Variants in CFAP61 observed in about 807,000 individuals in gnomAD.
CFAP61 encodes cilia and flagella associated protein 61.
CFAP61 carries 107 observed loss-of-function variants against 135.6 expected under a neutral mutation model. The observed-to-expected ratio is 0.79, with a 90% CI of 0.67 to 0.93. The LOEUF is 0.93. Among genes scored for constraint, CFAP61 ranks in the 40% least tolerant of loss-of-function variants. The probability of loss-of-function intolerance (pLI) is 0.00; values close to 1 mark genes in which losing one functional copy is unlikely to be tolerated. For missense variants in CFAP61, 1,507 were observed against 1,556.2 expected (o/e 0.97, Z 0.53); for synonymous variants, 575 against 578.5 (o/e 0.99, Z 0.09).
At chr20:20,302,306 C>A (rs991686594) in intron 25 of CFAP61, among the ~76,000 whole-genome samples, 8 of 152,100 alleles carry the variant, frequency 5.3e-5, no homozygotes, top group Admixed American at 5.2e-4. Context: ...TTTGTTTCTT[C>A]TTTTCCAACT....
At chr20:20,174,103 C>A (rs376050224) in intron 13 of CFAP61, among the ~76,000 whole-genome samples, 1 of 152,146 alleles carries the variant, frequency 6.6e-6, no homozygotes, top group South Asian at 2.1e-4. Flanking sequence ...GAATCACTTG[C>A]ATTTAAAATT....
intron 6 of CFAP61, among the ~76,000 whole-genome samples, chr20:20,079,333 T>G (rs973928405): frequency 6.6e-6 from 1 of 152,208 alleles, no homozygotes; most frequent in Non-Finnish European, 1.5e-5. Flanking sequence ...GGTGTGGTCT[T>G]GTCACTCCTT....
intron 8 of CFAP61, among the ~76,000 whole-genome samples, chr20:20,108,033 T>C (rs1397789730): frequency 6.6e-6 from 1 of 152,216 alleles, no homozygotes; most frequent in African/African-American, 2.4e-5. Context: ...ATAATAAATG[T>C]GGGAAAATAT....
chr20:20,211,575 C>A (rs866506432), intron 17 of CFAP61, among the ~76,000 whole-genome samples: 5 of 152,020 alleles, frequency 3.3e-5, no homozygotes, highest in Non-Finnish European at 7.4e-5. Context: ...TTTTTACTGC[C>A]ACTTTGAGAT....
rs182881203 is a variant in CFAP61, at chr20:20,351,531, G to A, written c.3514-8679G>A. On this transcript the variant is annotated intron_variant, in intron 26 of 26. Coordinates refer to ENST00000245957, the MANE Select transcript of CFAP61 (RefSeq NM_015585.4). ...CAGGAGGCGGAGATTGCAGTGAGCCGAGATCATGCCACTGTACTCCAGTCT... is the reference window on the plus strand; with the variant it reads ...CAGGAGGCGGAGATTGCAGTGAGCCAAGATCATGCCACTGTACTCCAGTCT... Among the ~76,000 whole-genome samples the A allele has an allele frequency of 1.1e-3, 162 of 149,020 alleles. 1 individual carries two copies. Among genetic ancestry groups the A allele is most frequent in the African/African-American group, 3.7e-3 (150 of 40,444 alleles).
chr20:20,315,788 A>G (rs1207444459), intron 25 of CFAP61, among the ~76,000 whole-genome samples: 6 of 152,198 alleles, frequency 3.9e-5, no homozygotes, highest in Admixed American at 3.3e-4. Flanking sequence ...CATTTATTAA[A>G]TAGGGAATCC....
intron 25 of CFAP61, among the ~76,000 whole-genome samples, chr20:20,314,648 C>T (rs1198482263): frequency 2.1e-5 from 3 of 142,340 alleles, no homozygotes; most frequent in Non-Finnish European, 3.0e-5. Flanking sequence ...AACTCGTCAT[C>T]TAGCATTAGG....
chr20:20,156,258 A>G (rs904124908), intron 9 of CFAP61, among the ~76,000 whole-genome samples: 4 of 152,204 alleles, frequency 2.6e-5, no homozygotes, highest in East Asian at 1.9e-4. Flanking sequence ...TTGGTTTAAC[A>G]TAAGAAAATC....
intron 13 of CFAP61, chr20:20,171,838 C>T: frequency 1.4e-6 from 1 of 689,834 alleles, no homozygotes; most frequent in South Asian, 1.6e-5. Context: ...GGCTCTGTGG[C>T]ATGCAAGAGT....
At chr20:20,301,457 CAT>C (rs140969060) in intron 25 of CFAP61, among the ~76,000 whole-genome samples, 5,059 of 152,302 alleles carry the variant, frequency 0.033, 117 homozygotes, top group Middle Eastern at 0.071. Context: ...TTAAGTGACA[CAT>C]GACTGTCGTT....
At chr20:20,319,829 C>T (rs954904582) in intron 25 of CFAP61, among the ~76,000 whole-genome samples, 3 of 151,874 alleles carry the variant, frequency 2.0e-5, no homozygotes, top group African/African-American at 7.3e-5. Context: ...TTTCCAGAAC[C>T]CCCTAGGGAA....
intron 8 of CFAP61, among the ~76,000 whole-genome samples, chr20:20,118,357 TTA>T (rs201076646): frequency 8.9e-5 from 13 of 146,820 alleles, no homozygotes; most frequent in Middle Eastern, 3.4e-3. Context: ...TTTTTTTTTT[TTA>T]AACAGGGTTT....
At chr20:20,303,907 C>T (rs1335490767) in intron 25 of CFAP61, among the ~76,000 whole-genome samples, 1 of 152,204 alleles carries the variant, frequency 6.6e-6, no homozygotes, top group Non-Finnish European at 1.5e-5. Flanking sequence ...GATCCTTCCT[C>T]TCCACTTCCC....
At chr20:20,055,033 C>G (rs535579695) in intron 1 of CFAP61, among the ~76,000 whole-genome samples, 1 of 152,104 alleles carries the variant, frequency 6.6e-6, no homozygotes. Flanking sequence ...GTGCTTCTTT[C>G]TAGATAATTT....
intron 7 of CFAP61, among the ~76,000 whole-genome samples, chr20:20,097,191 C>A (rs2047646970): frequency 6.6e-6 from 1 of 151,262 alleles, no homozygotes; most frequent in African/African-American, 2.4e-5. Flanking sequence ...TCTGACTGGG[C>A]ATTTATGGAA....
At chr20:20,215,286 A>T (rs1400537320) in intron 17 of CFAP61, 3 of 152,126 alleles carry the variant, frequency 2.0e-5, no homozygotes, top group Non-Finnish European at 4.4e-5. Context: ...GCAAATAAAT[A>T]ATTAGTTCCC....
intron 2 of CFAP61, among the ~76,000 whole-genome samples, chr20:20,059,199 G>A (rs1010935572): frequency 6.6e-6 from 1 of 151,490 alleles, no homozygotes; most frequent in African/African-American, 2.4e-5. Context: ...GTGGTAGCGC[G>A]CACTCTGTAG....
rs545790230 is a variant in CFAP61, at chr20:20,282,505, T to C, written c.2796+5047T>C. Among the ~76,000 whole-genome samples the C allele has an allele frequency of 2.4e-4, 37 of 152,332 alleles. 1 individual carries two copies. The South Asian group carries it at 7.7e-3, about 32-fold the overall frequency. On this transcript the variant is annotated intron_variant, in intron 22 of 26. Transcript: ENST00000245957. ...AATTATCACTTAATTCAAAATATTT[T>C]CTAATCTCCCTGTGATTTTTTATTC...
At chr20:20,216,727 C>G (rs915190770) in intron 17 of CFAP61, among the ~76,000 whole-genome samples, 2 of 152,022 alleles carry the variant, frequency 1.3e-5, no homozygotes, top group African/African-American at 4.8e-5. Context: ...TTTTTTTAAA[C>G]TGCTGTCAAA....
Sources: allele counts gnomAD v4.1 joint callset (sites outside exome capture counted in the v4.1 genomes callset), GRCh38; gene constraint gnomAD v4.1.1; transcripts MANE v1.5; gene names NCBI Gene and HGNC (gene_info 2026-07-23, HGNC 2026-07-21).